PRKN: variants seen among roughly 807,000 people sequenced by gnomAD.
PRKN encodes E3 ubiquitin-protein ligase parkin.
PRKN carries 56 observed loss-of-function variants against 59.5 expected under a neutral mutation model. The ratio of observed to expected loss-of-function variants is 0.94; its 90% CI spans 0.76 to 1.18. The LOEUF is 1.18. PRKN is among the 50% of genes most tolerant of loss of function. The probability of loss-of-function intolerance (pLI) is 0.00; values close to 1 mark genes in which losing one functional copy is unlikely to be tolerated. For missense variants in PRKN, 657 were observed against 596.4 expected (o/e 1.10, Z -1.06); for synonymous variants, 250 against 222.1 (o/e 1.13, Z -1.12).
intron 7 of PRKN, among the ~76,000 whole-genome samples, chr6:161,618,810 C>T (rs781081676): frequency 2.1e-4 from 32 of 152,226 alleles, no homozygotes; most frequent in Admixed American, 1.6e-3. Context: ...AGATTAAAAC[C>T]GCACTCGTGT....
At chr6:161,945,814 A>T (rs1273390373) in intron 6 of PRKN, among the ~76,000 whole-genome samples, 1 of 152,206 alleles carries the variant, frequency 6.6e-6, no homozygotes, top group African/African-American at 2.4e-5. Context: ...AGTAGCAGAG[A>T]AATATGTTTG....
chr6:162,588,300 G>A (rs1027607352), intron 1 of PRKN, among the ~76,000 whole-genome samples: 38 of 151,248 alleles, frequency 2.5e-4, no homozygotes, highest in African/African-American at 8.5e-4. Flanking sequence ...TGTGCACCGC[G>A]GCGCCCACCG....
intron 3 of PRKN, among the ~76,000 whole-genome samples, chr6:162,233,576 T>C (rs1266507246): frequency 8.5e-5 from 13 of 152,232 alleles, no homozygotes; most frequent in Admixed American, 8.5e-4. Context: ...TAGACAAAGA[T>C]GGTCAATTAA....
At chr6:161,537,664 G>A (rs1273921639) in intron 9 of PRKN, among the ~76,000 whole-genome samples, 4 of 152,216 alleles carry the variant, frequency 2.6e-5, no homozygotes, top group Middle Eastern at 3.4e-3. Flanking sequence ...TGTTAGCCTG[G>A]ATGGTCTCGA....
chr6:161,841,431 A>G (rs1792982832), intron 6 of PRKN, among the ~76,000 whole-genome samples: 1 of 151,030 alleles, frequency 6.6e-6, no homozygotes, highest in Admixed American at 6.6e-5. Flanking sequence ...CTCACAGTAA[A>G]CTCCACTACC....
At chr6:161,434,567 G>A (rs890237171) in intron 9 of PRKN, among the ~76,000 whole-genome samples, 2 of 152,174 alleles carry the variant, frequency 1.3e-5, no homozygotes, top group African/African-American at 4.8e-5. Flanking sequence ...CTATAATGCA[G>A]ACCGTTTGAG....
intron 2 of PRKN, among the ~76,000 whole-genome samples, chr6:162,291,149 T>G (rs1781410051): frequency 6.6e-6 from 1 of 151,778 alleles, no homozygotes; most frequent in Admixed American, 6.6e-5. Context: ...AAGAGAGAAA[T>G]GTGGAGGGTT....
At chr6:162,288,379 T>C (rs1292663793) in intron 2 of PRKN, among the ~76,000 whole-genome samples, 1 of 152,122 alleles carries the variant, frequency 6.6e-6, no homozygotes, top group African/African-American at 2.4e-5. Context: ...GTGATTAGGT[T>C]ACACTATAGG....
chr6:161,564,273 G>A (rs117066236), intron 8 of PRKN, among the ~76,000 whole-genome samples: 4 of 152,134 alleles, frequency 2.6e-5, no homozygotes, highest in East Asian at 1.9e-4. Context: ...GGATATAAAC[G>A]TCCCTGACTG....
chr6:161,400,973 G>A lies in PRKN; in HGVS notation c.1084-14096C>T, dbSNP rs1361859754. On this transcript the variant is annotated intron_variant, in intron 9 of 11. Transcript: ENST00000366898. This position sits in a 1 kb window ranked among gnomAD's most constrained non-coding sequence, Gnocchi z 4.2. Reference sequence around the variant, plus strand: ...TAGCGTCCAGGCCATTACTCAAGGGGAAGACTGTTGATCAGAGTACACTGC... The same window carrying A: ...TAGCGTCCAGGCCATTACTCAAGGGAAAGACTGTTGATCAGAGTACACTGC... 1.3e-5 allele frequency among the ~76,000 whole-genome samples: 2 copies of A among 152,156 alleles called. No homozygotes were observed. The highest frequency in any genetic ancestry group is 2.9e-5 in the Non-Finnish European group (2 of 68,036).
intron 2 of PRKN, among the ~76,000 whole-genome samples, chr6:162,330,940 C>A (rs949235432): frequency 3.3e-5 from 5 of 152,142 alleles, no homozygotes; most frequent in African/African-American, 1.2e-4. Flanking sequence ...ATACAGACCC[C>A]AGGGGTCCTT....
At chr6:161,708,590 C>A (rs2128181569) in intron 7 of PRKN, among the ~76,000 whole-genome samples, 1 of 152,170 alleles carries the variant, frequency 6.6e-6, no homozygotes, top group East Asian at 1.9e-4. Context: ...TCAACAGATA[C>A]TTACTATATT....
chr6:162,141,303 CA>C (rs1781769862), intron 4 of PRKN, among the ~76,000 whole-genome samples: 2 of 152,052 alleles, frequency 1.3e-5, no homozygotes, highest in Non-Finnish European at 2.9e-5. Flanking sequence ...TAAAAATTAT[CA>C]AAAGTATCTA....
At chr6:162,636,203 A>C (rs1037835948) in intron 1 of PRKN, among the ~76,000 whole-genome samples, 14 of 152,100 alleles carry the variant, frequency 9.2e-5, no homozygotes, top group Non-Finnish European at 1.5e-5. Flanking sequence ...ATATACTCTT[A>C]ATCTTATTAT....
intron 4 of PRKN, among the ~76,000 whole-genome samples, chr6:162,062,027 A>G (rs1412471828): frequency 6.6e-6 from 1 of 152,240 alleles, no homozygotes; most frequent in Non-Finnish European, 1.5e-5. Flanking sequence ...TAAAGTAAAC[A>G]TAAAAGTAAC....
intron 10 of PRKN, among the ~76,000 whole-genome samples, chr6:161,370,591 C>CAAAAAAAAAA (rs560655971): frequency 0.032 from 1,840 of 57,740 alleles, 166 homozygotes; most frequent in African/African-American, 0.061. Flanking sequence ...GACTCTGTGT[C>CAAAAAAAAAA]AAAAAAAAAA....
chr6:162,373,673 C>T (rs1244855604), intron 2 of PRKN, among the ~76,000 whole-genome samples: 1 of 151,912 alleles, frequency 6.6e-6, no homozygotes, highest in Non-Finnish European at 1.5e-5. Flanking sequence ...ATTTTAATAC[C>T]CTTCTTACAT....
intron 1 of PRKN, among the ~76,000 whole-genome samples, chr6:162,579,268 C>A (rs1780686762): frequency 6.6e-6 from 1 of 152,128 alleles, no homozygotes; most frequent in South Asian, 2.1e-4. Context: ...CTTTTCAAAT[C>A]TTTTATCTTC....
chr6:161,531,439 C>T (rs1779209502), intron 9 of PRKN, among the ~76,000 whole-genome samples: 1 of 151,774 alleles, frequency 6.6e-6, no homozygotes. Context: ...CCCAGCAACA[C>T]AGCAACATTG....
Sources: allele counts gnomAD v4.1 joint callset (sites outside exome capture counted in the v4.1 genomes callset), GRCh38; gene constraint gnomAD v4.1.1; non-coding constraint Gnocchi (gnomAD v3.1); transcripts MANE v1.5; gene names NCBI Gene and HGNC (gene_info 2026-07-23, HGNC 2026-07-21).